PTPRR: variants seen among roughly 807,000 people sequenced by gnomAD.
PTPRR encodes receptor-type tyrosine-protein phosphatase R.
PTPRR carries 38 observed loss-of-function variants against 77.2 expected under a neutral mutation model. That is an observed-to-expected ratio of 0.49 (90% CI 0.38 to 0.65). The LOEUF (loss-of-function observed/expected upper bound fraction) is 0.65. PTPRR is among the 30% of genes least tolerant of loss of function. PTPRR has a pLI of 0.00. For missense variants in PTPRR, 744 were observed against 799.2 expected, an observed-to-expected ratio of 0.93 and a Z score of 0.83; for synonymous variants, 299 against 283.1, an observed-to-expected ratio of 1.06 and a Z score of -0.57.
At chr12:70,680,036 T>C (rs1887598083) in intron 10 of PTPRR, among the ~76,000 whole-genome samples, 1 of 152,202 alleles carries the variant, frequency 6.6e-6, no homozygotes, top group Admixed American at 6.5e-5. Context: ...ATTTCTCTTT[T>C]TGATTTGTGT....
chr12:70,765,531 C>G (rs939321556), intron 2 of PTPRR, among the ~76,000 whole-genome samples: 3 of 152,218 alleles, frequency 2.0e-5, no homozygotes, highest in Admixed American at 6.5e-5. Context: ...GTGGAGCCCA[C>G]CACAGCTCAA....
At chr12:70,645,997 C>G (rs1341119246) in intron 13 of PTPRR, among the ~76,000 whole-genome samples, 2 of 152,152 alleles carry the variant, frequency 1.3e-5, no homozygotes, top group Non-Finnish European at 2.9e-5. Flanking sequence ...CCGCCCAGCC[C>G]GTATCCGGTC....
At chr12:70,792,233 C>A (rs914620515) in intron 2 of PTPRR, among the ~76,000 whole-genome samples, 1 of 152,074 alleles carries the variant, frequency 6.6e-6, no homozygotes, top group African/African-American at 2.4e-5. Flanking sequence ...TTGCCTGGAA[C>A]CTAATATGTA....
rs185863839 is a variant in PTPRR, at chr12:70,821,865, T to C, written c.358-57087A>G. The stretch of plus-strand genomic sequence containing the variant: ...ATTTTTAGTACAGATGGTGTTTCAC[T>C]GTGTTAGCCAGGATGGTCTTGATCT... On this transcript the variant is annotated intron_variant, in intron 2 of 13. Coordinates refer to ENST00000283228, the MANE Select transcript of PTPRR (RefSeq NM_002849.4). Among the ~76,000 whole-genome samples, 3 of 151,344 alleles carry C rather than the reference T, an allele frequency of 2.0e-5. No homozygotes were observed. The South Asian group carries it at 6.3e-4, about 32-fold the overall frequency.
In PTPRR at chr12:70,884,393, A is replaced by G. The variant is rs563822685; in HGVS notation, c.357+8286T>C. Among the ~76,000 whole-genome samples the G allele has an allele frequency of 1.6e-4, 24 of 152,334 alleles. 1 individual carries two copies. In the South Asian group the frequency reaches 4.6e-3, roughly 29 times the overall value. ...GATAAATAGACAAAGAAGGAAAGAA[A>G]GAAAAGGGGACAAAGTCATTAACAA... On this transcript the variant is annotated intron_variant, in intron 2 of 13. Transcript: ENST00000283228.
rs562686830 is a variant in PTPRR, at chr12:70,691,542, A to G, written c.1279+6723T>C. The stretch of plus-strand genomic sequence containing the variant: ...ACATCCTGAGGGCTCTCAAATACAT[A>G]CTTCAGACCAGCCCGGTCTCCTCAT... On this transcript the variant is annotated intron_variant, in intron 8 of 13. Coordinates refer to ENST00000283228, the MANE Select transcript of PTPRR (RefSeq NM_002849.4). Among the ~76,000 whole-genome samples the G allele has an allele frequency of 2.0e-5, 3 of 152,022 alleles. No individual in the cohort carries two copies. In the South Asian group the frequency reaches 6.3e-4, roughly 32 times the overall value.
chr12:70,852,246 G>A (rs1343606808), intron 2 of PTPRR, among the ~76,000 whole-genome samples: 1 of 151,884 alleles, frequency 6.6e-6, no homozygotes, highest in Admixed American at 6.6e-5. Context: ...ATGAATCAGG[G>A]ACAAATCAAT....
At chr12:70,853,080 T>C (rs1892597167) in intron 2 of PTPRR, among the ~76,000 whole-genome samples, 1 of 152,210 alleles carries the variant, frequency 6.6e-6, no homozygotes, top group African/African-American at 2.4e-5. Flanking sequence ...CTGAGGCAAG[T>C]GTTAGGACTT....
chr12:70,812,299 A>T lies in PTPRR; in HGVS notation c.358-47521T>A, dbSNP rs181856906. Among the ~76,000 whole-genome samples the T allele has an allele frequency of 2.5e-4, 38 of 152,348 alleles. No individual in the cohort carries two copies. In the East Asian group the frequency reaches 4.4e-3, roughly 18 times the overall value. On this transcript the variant is annotated intron_variant, in intron 2 of 13. Transcript: ENST00000283228. ...GAAGCACCTCAGTAATGCATGAATC[A>T]TTAACATGGGCAGCCACGTGACACC...
chr12:70,685,264 G>A (rs184277162), intron 8 of PTPRR, among the ~76,000 whole-genome samples: 12 of 152,152 alleles, frequency 7.9e-5, no homozygotes, highest in Non-Finnish European at 4.4e-5. Context: ...CTTCCGAGAT[G>A]GATGAGATTA....
intron 8 of PTPRR, among the ~76,000 whole-genome samples, chr12:70,696,591 T>C (rs1451464485): frequency 6.6e-6 from 1 of 152,126 alleles, no homozygotes; most frequent in Admixed American, 6.6e-5. Context: ...CACAGCAACA[T>C]TTTTTTGGTA....
chr12:70,771,094 T>G (rs1004721083), intron 2 of PTPRR, among the ~76,000 whole-genome samples: 43 of 151,758 alleles, frequency 2.8e-4, no homozygotes, highest in African/African-American at 8.5e-4. Context: ...GCATGGCACA[T>G]GTATACATAT....
intron 2 of PTPRR, among the ~76,000 whole-genome samples, chr12:70,852,131 T>A (rs1025495231): frequency 2.0e-5 from 3 of 152,038 alleles, no homozygotes; most frequent in African/African-American, 7.2e-5. Context: ...GTGCAGGAAA[T>A]GAAATTTACC....
At chr12:70,748,425 C>A (rs1890280671) in intron 5 of PTPRR, among the ~76,000 whole-genome samples, 1 of 152,152 alleles carries the variant, frequency 6.6e-6, no homozygotes, top group African/African-American at 2.4e-5. Context: ...TGGGAATTCA[C>A]TTTGTTGAAA....
intron 10 of PTPRR, among the ~76,000 whole-genome samples, chr12:70,663,448 A>AT (rs1348471997): frequency 6.6e-6 from 1 of 152,236 alleles, no homozygotes; most frequent in African/African-American, 2.4e-5. Context: ...AAAGCCAGGC[A>AT]TAGAGTAAGC....
chr12:70,712,339 C>T (rs1399909118), intron 6 of PTPRR, among the ~76,000 whole-genome samples: 1 of 151,582 alleles, frequency 6.6e-6, no homozygotes, highest in Admixed American at 6.6e-5. Context: ...TGGATGAATG[C>T]CTAAATATAA....
intron 13 of PTPRR, among the ~76,000 whole-genome samples, chr12:70,655,609 G>A (rs1361826495): frequency 1.3e-5 from 2 of 152,130 alleles, no homozygotes; most frequent in South Asian, 2.1e-4. Context: ...TGAACCTTGA[G>A]GATATTATGC....
At chr12:70,745,087 T>C (rs923743763) in intron 6 of PTPRR, among the ~76,000 whole-genome samples, 2 of 152,170 alleles carry the variant, frequency 1.3e-5, no homozygotes, top group African/African-American at 2.4e-5. Flanking sequence ...TTTCTTTAGA[T>C]AGAGTTTCAC....
chr12:70,698,882 T>C (rs918657922), intron 7 of PTPRR, among the ~76,000 whole-genome samples: 3 of 152,194 alleles, frequency 2.0e-5, no homozygotes, highest in Non-Finnish European at 4.4e-5. Flanking sequence ...GGTTTATAAC[T>C]GGACTGTTCC....
Sources: gnomAD v4.1 joint callset for allele counts (sites outside exome capture counted in the v4.1 genomes callset) on GRCh38, gnomAD v4.1.1 for gene constraint, MANE v1.5 for transcripts, NCBI Gene and HGNC (gene_info 2026-07-23, HGNC 2026-07-21) for gene names.